AKR1C8: variants seen among roughly 807,000 people sequenced by gnomAD.
The protein encoded by AKR1C8 is aldo-keto reductase family 1 member C-like protein 1.
the AKR1C8 span, chr10:5,157,607 C>T: frequency 3.4e-5 from 16 of 464,716 alleles, no homozygotes; most frequent in Admixed American, 2.4e-4. Context: ...CCATGGCTCA[C>T]TCTGGAGCGA....
chr10:5,176,679 G>C, the AKR1C8 span, among the ~76,000 whole-genome samples: 5 of 152,162 alleles, frequency 3.3e-5, no homozygotes, highest in African/African-American at 1.2e-4. Context: ...AGTTCTCCTT[G>C]AAGAGGTCCT....
At chr10:5,184,252 C>T in the AKR1C8 span, among the ~76,000 whole-genome samples, 1 of 152,182 alleles carries the variant, frequency 6.6e-6, no homozygotes, top group Non-Finnish European at 1.5e-5. Flanking sequence ...TCCATCCAGG[C>T]CCCCTCTCTA....
the AKR1C8 span, among the ~76,000 whole-genome samples, chr10:5,156,311 T>A: frequency 1.3e-5 from 2 of 152,164 alleles, no homozygotes; most frequent in Non-Finnish European, 2.9e-5. Context: ...TTATAAAAAA[T>A]GCTTACTAAT....
the AKR1C8 span, among the ~76,000 whole-genome samples, chr10:5,173,015 T>C: frequency 6.6e-6 from 1 of 152,104 alleles, no homozygotes; most frequent in African/African-American, 2.4e-5. Context: ...AAAGGCAGAT[T>C]TTGAGAGACA....
the AKR1C8 span, among the ~76,000 whole-genome samples, chr10:5,162,594 G>A: frequency 6.6e-6 from 1 of 152,122 alleles, no homozygotes; most frequent in Non-Finnish European, 1.5e-5. Flanking sequence ...ATAGTGGCTT[G>A]GTTAATCCAT....
At chr10:5,177,622 G>A in the AKR1C8 span, among the ~76,000 whole-genome samples, 3 of 152,128 alleles carry the variant, frequency 2.0e-5, no homozygotes, top group South Asian at 4.1e-4. Flanking sequence ...ACTCTTTTTG[G>A]TTAGTAAGCT....
the AKR1C8 span, among the ~76,000 whole-genome samples, chr10:5,142,200 A>G: frequency 1.3e-5 from 2 of 152,078 alleles, no homozygotes; most frequent in African/African-American, 2.4e-5. Flanking sequence ...CCTCACCTCT[A>G]TGAGCCTTCA....
chr10:5,164,006 G>A, the AKR1C8 span, among the ~76,000 whole-genome samples: 1 of 152,138 alleles, frequency 6.6e-6, no homozygotes, highest in African/African-American at 2.4e-5. Context: ...TACACTGTGG[G>A]CTACAGTGGC....
chr10:5,140,150 G>T, the AKR1C8 span, among the ~76,000 whole-genome samples: 1 of 152,184 alleles, frequency 6.6e-6, no homozygotes, highest in East Asian at 1.9e-4. Flanking sequence ...GGAAACAACA[G>T]ATGCTGGAGA....
At chr10:5,156,528 C>G in the AKR1C8 span, among the ~76,000 whole-genome samples, 174 of 146,598 alleles carry the variant, frequency 1.2e-3, no homozygotes, top group African/African-American at 4.2e-3. Context: ...AGACTCAGAT[C>G]TATCTATCTA....
chr10:5,141,391 C>G, the AKR1C8 span, among the ~76,000 whole-genome samples: 1 of 152,116 alleles, frequency 6.6e-6, no homozygotes, highest in Non-Finnish European at 1.5e-5. Flanking sequence ...TTTTTCCAAA[C>G]TTCTATTCAT....
the AKR1C8 span, among the ~76,000 whole-genome samples, chr10:5,160,493 G>C: frequency 4.7e-4 from 71 of 152,232 alleles, no homozygotes; most frequent in African/African-American, 1.6e-3. Flanking sequence ...TCCATGATGT[G>C]TTTCTATCCA....
chr10:5,179,055 T>G, the AKR1C8 span, among the ~76,000 whole-genome samples: 2 of 152,230 alleles, frequency 1.3e-5, no homozygotes, highest in Non-Finnish European at 2.9e-5. Context: ...CGTTAGTTGA[T>G]GCAGTTTCTT....
At chr10:5,136,632 G>C in the AKR1C8 span, among the ~76,000 whole-genome samples, 1 of 152,082 alleles carries the variant, frequency 6.6e-6, no homozygotes, top group Non-Finnish European at 1.5e-5. Flanking sequence ...AATGTGCTTT[G>C]CTATGTGTTT....
chr10:5,160,306 CAG>C, the AKR1C8 span, among the ~76,000 whole-genome samples: 1 of 152,078 alleles, frequency 6.6e-6, no homozygotes, highest in East Asian at 1.9e-4. Flanking sequence ...CAAATTATAC[CAG>C]AGTCATAAGC....
chr10:5,149,597 C>T, the AKR1C8 span, among the ~76,000 whole-genome samples: 3 of 152,132 alleles, frequency 2.0e-5, no homozygotes, highest in East Asian at 5.8e-4. Flanking sequence ...CTTTATTTTT[C>T]ACAGGTAAGA....
chr10:5,136,678 C>G, the AKR1C8 span, among the ~76,000 whole-genome samples: 1 of 152,110 alleles, frequency 6.6e-6, no homozygotes, highest in African/African-American at 2.4e-5. Flanking sequence ...GCTTAAATTT[C>G]CACATCAAAA....
At chr10:5,150,809 T>G in the AKR1C8 span, among the ~76,000 whole-genome samples, 1 of 152,074 alleles carries the variant, frequency 6.6e-6, no homozygotes, top group African/African-American at 2.4e-5. Context: ...TAAGACCTAA[T>G]CAAGACAACA....
the AKR1C8 span, chr10:5,132,616 A>G: frequency 4.4e-6 from 7 of 1,582,196 alleles, no homozygotes; most frequent in East Asian, 2.2e-5. Context: ...GAAGTGTAGA[A>G]TATGTCTTCT....
Sources: allele counts gnomAD v4.1 joint callset (sites outside exome capture counted in the v4.1 genomes callset), GRCh38; gene constraint gnomAD v4.1.1; transcripts MANE v1.5; gene names NCBI Gene and HGNC (gene_info 2026-07-23, HGNC 2026-07-21).